The following CD96 variants were observed in gnomAD, a reference collection of about 807,000 sequenced individuals.
CD96 encodes the protein T-cell surface protein tactile.
CD96 carries 70 observed loss-of-function variants against 71.3 expected under a neutral mutation model. The observed-to-expected ratio is 0.98, with a 90% CI of 0.81 to 1.20. The LOEUF is 1.20. Ranked by LOEUF, CD96 falls within the 50% of genes most tolerant of loss-of-function variation. CD96 has a pLI of 0.00. For missense variants in CD96, 742 were observed against 677.5 expected (o/e 1.10, Z -1.06); for synonymous variants, 248 against 233.0 (o/e 1.06, Z -0.59).
intron 3 of CD96, chr3:111,577,421 C>T: frequency 1.5e-5 from 14 of 956,216 alleles, no homozygotes; most frequent in Non-Finnish European, 2.2e-5. Context: ...CCTGTCCCCA[C>T]CCAATACTTA....
intron 12 of CD96, among the ~76,000 whole-genome samples, chr3:111,640,857 T>C (rs1939556816): frequency 6.6e-6 from 1 of 152,144 alleles, no homozygotes; most frequent in African/African-American, 2.4e-5. Context: ...CAAAAGAATT[T>C]TTAGCCAAGA....
chr3:111,638,142 C>T lies in CD96; in HGVS notation c.1451C>T (p.Thr484Met), dbSNP rs140955483. Residue 484 changes from threonine to methionine, a missense_variant, in exon 12 of 14, where the codon ACG becomes ATG. Physicochemically the swap from Thr to Met is moderately conservative, Grantham distance 81 (BLOSUM62 -1). Coordinates refer to ENST00000352690, the MANE Select transcript of CD96 (RefSeq NM_005816.5). ...GTCCCCACAACTGCCAATGGATCTACGAAAACTAATCACGTCCATATCACT... is the reference window on the plus strand; with the variant it reads ...GTCCCCACAACTGCCAATGGATCTATGAAAACTAATCACGTCCATATCACT... The part of the protein sequence containing the change: ...SEVPTTANGS[T>M]KTNHVHITGI... 6.9e-5 allele frequency: 111 copies of T among 1,606,704 alleles called. No individual in the cohort carries two copies. Among genetic ancestry groups the T allele is most frequent in the African/African-American group, 5.3e-4 (40 of 74,864 alleles).
intron 3 of CD96, among the ~76,000 whole-genome samples, chr3:111,571,688 G>A (rs902851669): frequency 6.6e-6 from 1 of 152,094 alleles, no homozygotes; most frequent in Non-Finnish European, 1.5e-5. Flanking sequence ...TTCTTCAAAG[G>A]GAACATGGTG....
At chr3:111,565,595 T>C (rs1321342700) in intron 2 of CD96, among the ~76,000 whole-genome samples, 1 of 152,112 alleles carries the variant, frequency 6.6e-6, no homozygotes, top group Admixed American at 6.5e-5. Context: ...AATGGTCTTA[T>C]GCAAATATGG....
chr3:111,581,444 A>G (rs1021830595), intron 4 of CD96, among the ~76,000 whole-genome samples: 18 of 152,174 alleles, frequency 1.2e-4, no homozygotes, highest in African/African-American at 4.1e-4. Context: ...ACCCAAATAT[A>G]TATCAGATCT....
intron 10 of CD96, among the ~76,000 whole-genome samples, chr3:111,631,095 T>C (rs781738118): frequency 5.9e-5 from 9 of 151,720 alleles, no homozygotes; most frequent in Non-Finnish European, 1.3e-4. Flanking sequence ...CGGTACAGGG[T>C]TGCCCTCTCT....
intron 2 of CD96, among the ~76,000 whole-genome samples, chr3:111,566,172 T>C (rs1935700609): frequency 6.6e-6 from 1 of 151,562 alleles, no homozygotes; most frequent in Admixed American, 6.6e-5. Flanking sequence ...TATACCGTTT[T>C]ATAACATATA....
rs79295091 is a variant in CD96 at position 111,581,060 on chromosome 3, T to C, written c.751+1826T>C. Among the ~76,000 whole-genome samples, 709 of 152,318 alleles carry C rather than the reference T, an allele frequency of 4.7e-3. 4 individuals carry two copies. The highest frequency in any genetic ancestry group is 0.016 in the African/African-American group (662 of 41,568). ...TCTTTGCTGCATTAAAACACCTCTATCTTGATCTTAAATGTTTTTCAGCCT... is the reference window on the plus strand; with the variant it reads ...TCTTTGCTGCATTAAAACACCTCTACCTTGATCTTAAATGTTTTTCAGCCT... On this transcript the variant is annotated intron_variant, in intron 4 of 13. Coordinates refer to ENST00000352690, the MANE Select transcript of CD96 (RefSeq NM_005816.5).
At chr3:111,653,917 A>G (rs1172824384), downstream of CD96, among the ~76,000 whole-genome samples, 1 of 152,140 alleles carries the variant, frequency 6.6e-6, no homozygotes, top group Non-Finnish European at 1.5e-5. Context: ...AAAAAATGTC[A>G]AAGAAAATGA....
intron 4 of CD96, chr3:111,579,540 C>A: frequency 2.5e-6 from 1 of 398,676 alleles, no homozygotes; most frequent in Admixed American, 3.5e-5. Context: ...GAATTTATTA[C>A]TTACAGTTAT....
chr3:111,637,733 C>T lies in CD96; in HGVS notation c.1388-346C>T, dbSNP rs149540503. Among the ~76,000 whole-genome samples the T allele has an allele frequency of 7.6e-4, 116 of 152,014 alleles. 3 individuals carry two copies. The East Asian group carries it at 0.022, about 29-fold the overall frequency. On this transcript the variant is annotated intron_variant, in intron 11 of 13. Coordinates refer to ENST00000352690, the MANE Select transcript of CD96 (RefSeq NM_005816.5). Reference sequence around the variant, plus strand: ...CCAACTCTGGCCTTTTTCTGTACCACTTACATTTCTCATGGAGATTCTTTA... The same window carrying T: ...CCAACTCTGGCCTTTTTCTGTACCATTTACATTTCTCATGGAGATTCTTTA...
rs776304610 is a variant in CD96 at position 111,606,791 on chromosome 3, A to C, written c.1179A>C (p.Ala393=). Residue 393 remains alanine, a splice_region_variant and synonymous_variant, in exon 8 of 14, where the codon GCA becomes GCC. Coordinates refer to ENST00000352690, the MANE Select transcript of CD96 (RefSeq NM_005816.5). The part of the protein sequence containing the change: ...QPSPASSVSP[A]RYPATSSVTL... ...CTCCAGCCAGCAGTGTATCTCCTGC[A>C]AGTAAGAATGTTTTCACACTGAGCT... is the stretch of plus-strand genomic sequence containing the variant. 17 of 1,538,188 alleles carry C rather than the reference A, an allele frequency of 1.1e-5. No homozygotes were observed. The highest frequency in any genetic ancestry group is 2.7e-5 in the African/African-American group (2 of 73,334).
intron 10 of CD96, among the ~76,000 whole-genome samples, chr3:111,628,225 G>T (rs908733870): frequency 6.6e-6 from 1 of 152,152 alleles, no homozygotes; most frequent in Admixed American, 6.6e-5. Flanking sequence ...TAAAAATGAA[G>T]TTCACTGAGC....
At chr3:111,582,731 C>T (rs1027587791) in intron 4 of CD96, among the ~76,000 whole-genome samples, 1 of 152,118 alleles carries the variant, frequency 6.6e-6, no homozygotes. Flanking sequence ...TGAGGAAAAT[C>T]AAAAGCATAA....
chr3:111,621,032 G>T (rs1406704941), intron 8 of CD96, among the ~76,000 whole-genome samples: 1 of 152,142 alleles, frequency 6.6e-6, no homozygotes, highest in African/African-American at 2.4e-5. Context: ...TGTGATTCCT[G>T]CCAGAATTAA....
At chr3:111,610,246 A>G (rs1315028268) in intron 8 of CD96, among the ~76,000 whole-genome samples, 1 of 152,266 alleles carries the variant, frequency 6.6e-6, no homozygotes, top group Non-Finnish European at 1.5e-5. Flanking sequence ...TAATCACTGA[A>G]TTACTATTGA....
At chr3:111,608,899 G>C (rs958462850) in intron 8 of CD96, among the ~76,000 whole-genome samples, 1 of 152,160 alleles carries the variant, frequency 6.6e-6, no homozygotes, top group Non-Finnish European at 1.5e-5. Context: ...GGAAGAGAAG[G>C]TATACACACA....
At chr3:111,596,070 G>C (rs964721110) in intron 5 of CD96, among the ~76,000 whole-genome samples, 7 of 152,026 alleles carry the variant, frequency 4.6e-5, no homozygotes, top group African/African-American at 9.7e-5. Flanking sequence ...GCTGAAGCAA[G>C]AGAATTGCTT....
chr3:111,623,715 A>G (rs1266564159), intron 8 of CD96, 39 bp from the exon 9 acceptor site: 1 of 1,254,824 alleles, frequency 8.0e-7, no homozygotes, highest in South Asian at 1.2e-5. Context: ...TACGAATGTA[A>G]ATACATATAA....
Sources: gnomAD v4.1 joint callset for allele counts (sites outside exome capture counted in the v4.1 genomes callset) on GRCh38, gnomAD v4.1.1 for gene constraint, MANE v1.5 for transcripts, NCBI Gene and HGNC (gene_info 2026-07-23, HGNC 2026-07-21) for gene names.